The following HYCC2 variants were observed in gnomAD, a reference collection of about 807,000 sequenced individuals.
HYCC2 encodes the protein hyccin PI4KA lipid kinase complex subunit 2.
chr2:201,033,976 T>TA, the HYCC2 span, among the ~76,000 whole-genome samples: 1,289 of 142,022 alleles, frequency 9.1e-3, 21 homozygotes, highest in African/African-American at 0.029. Flanking sequence ...TCCTCTAGTT[T>TA]AAAAAAAAAA....
chr2:200,975,112 C>CT, the HYCC2 span: 1 of 151,876 alleles, frequency 6.6e-6, no homozygotes, highest in South Asian at 2.1e-4. Flanking sequence ...TTAGATTTAG[C>CT]TTTAACGGGT....
At chr2:201,018,445 A>C in the HYCC2 span, among the ~76,000 whole-genome samples, 1 of 152,200 alleles carries the variant, frequency 6.6e-6, no homozygotes, top group Non-Finnish European at 1.5e-5. Context: ...AATCTGTTTG[A>C]ATATAGTTAC....
the HYCC2 span, among the ~76,000 whole-genome samples, chr2:200,990,079 C>A: frequency 6.6e-6 from 1 of 151,936 alleles, no homozygotes; most frequent in Non-Finnish European, 1.5e-5. Context: ...TAATATAAAA[C>A]CTCAAATATA....
chr2:201,017,044 C>G, the HYCC2 span: 1 of 1,614,104 alleles, frequency 6.2e-7, no homozygotes, highest in Non-Finnish European at 8.5e-7. Flanking sequence ...CTCTGTCTGT[C>G]TCGGCTAACT....
the HYCC2 span, among the ~76,000 whole-genome samples, chr2:201,014,951 C>T: frequency 2.0e-5 from 3 of 151,986 alleles, no homozygotes; most frequent in East Asian, 1.9e-4. Context: ...GTTTCATAAA[C>T]AATGTACTAT....
chr2:201,038,343 CA>C, the HYCC2 span, among the ~76,000 whole-genome samples: 4 of 152,120 alleles, frequency 2.6e-5, no homozygotes, highest in Non-Finnish European at 5.9e-5. Flanking sequence ...GGCGATTCCT[CA>C]GGGATCTAGA....
chr2:201,024,525 A>G, the HYCC2 span, among the ~76,000 whole-genome samples: 4 of 151,484 alleles, frequency 2.6e-5, no homozygotes, highest in African/African-American at 9.7e-5. Flanking sequence ...GTTTAATGAT[A>G]CACTTGAAAC....
the HYCC2 span, chr2:201,023,928 A>G: frequency 1.9e-6 from 3 of 1,542,722 alleles, no homozygotes; most frequent in Non-Finnish European, 1.8e-6. Flanking sequence ...ATAGAAAAAT[A>G]TAATACATTC....
the HYCC2 span, among the ~76,000 whole-genome samples, chr2:201,031,816 T>C: frequency 5.3e-5 from 8 of 152,338 alleles, no homozygotes; most frequent in African/African-American, 1.4e-4. Flanking sequence ...TTCTAATACA[T>C]TGTTTGCATG....
At chr2:201,033,024 T>G in the HYCC2 span, among the ~76,000 whole-genome samples, 1 of 149,160 alleles carries the variant, frequency 6.7e-6, no homozygotes, top group African/African-American at 2.5e-5. Flanking sequence ...AAGGCATTTG[T>G]TTTTTTTTTA....
the HYCC2 span, among the ~76,000 whole-genome samples, chr2:201,033,427 G>A: frequency 4.8e-4 from 72 of 148,986 alleles, no homozygotes; most frequent in Middle Eastern, 0.017. Context: ...TTTTTGAGAC[G>A]GAGTCTCCCT....
the HYCC2 span, among the ~76,000 whole-genome samples, chr2:201,041,719 A>T: frequency 6.6e-6 from 1 of 152,158 alleles, no homozygotes; most frequent in Non-Finnish European, 1.5e-5. Context: ...TGCATTGCTC[A>T]CTACTATGCA....
the HYCC2 span, among the ~76,000 whole-genome samples, chr2:201,042,212 C>T: frequency 6.6e-6 from 1 of 152,214 alleles, no homozygotes; most frequent in South Asian, 2.1e-4. Context: ...CCAGCCTCGG[C>T]CTCCCGAGGT....
chr2:201,035,737 C>A, the HYCC2 span, among the ~76,000 whole-genome samples: 1 of 152,150 alleles, frequency 6.6e-6, no homozygotes, highest in Non-Finnish European at 1.5e-5. Context: ...GTGGTTTTAT[C>A]TACCTTTGGT....
At chr2:201,057,888 T>C in the HYCC2 span, among the ~76,000 whole-genome samples, 1 of 152,196 alleles carries the variant, frequency 6.6e-6, no homozygotes, top group East Asian at 1.9e-4. Context: ...ACCAAAGATA[T>C]GGATCTATCG....
At chr2:200,999,830 G>C in the HYCC2 span, among the ~76,000 whole-genome samples, 1 of 150,186 alleles carries the variant, frequency 6.7e-6, no homozygotes, top group African/African-American at 2.4e-5. Flanking sequence ...TTGGGAGGCC[G>C]AGGCGGATCA....
At chr2:201,054,732 C>T in the HYCC2 span, among the ~76,000 whole-genome samples, 1 of 152,236 alleles carries the variant, frequency 6.6e-6, no homozygotes, top group South Asian at 2.1e-4. Flanking sequence ...TAGTATCCAA[C>T]ACCAAAGAAC....
chr2:201,024,158 T>C, the HYCC2 span: 1 of 553,672 alleles, frequency 1.8e-6, no homozygotes. Flanking sequence ...ATAAGGTGAC[T>C]TGTCTTAGTT....
chr2:201,026,395 G>C, the HYCC2 span, among the ~76,000 whole-genome samples: 1 of 152,102 alleles, frequency 6.6e-6, no homozygotes, highest in African/African-American at 2.4e-5. Flanking sequence ...GTCAATATTA[G>C]ACAGATCAAT....
Sources: gnomAD v4.1 joint callset for allele counts (sites outside exome capture counted in the v4.1 genomes callset) on GRCh38, gnomAD v4.1.1 for gene constraint, MANE v1.5 for transcripts, NCBI Gene and HGNC (gene_info 2026-07-23, HGNC 2026-07-21) for gene names.